NUDT8: variants seen among roughly 807,000 people sequenced by gnomAD.
NUDT8 encodes nudix hydrolase 8, also known as mitochondrial coenzyme A diphosphatase NUDT8.
In NUDT8, 14 loss-of-function variants were observed where a neutral mutation model predicts 12.5. That is an observed-to-expected ratio of 1.12 (90% CI 0.74 to 1.75). The LOEUF is 1.75. Among genes scored for constraint, NUDT8 ranks in the 40% most tolerant of loss-of-function variants. The pLI is 0.00. For missense variants in NUDT8, 337 were observed against 318.5 expected (o/e 1.06, Z -0.44); for synonymous variants, 163 against 156.2 (o/e 1.04, Z -0.33).
At chr11:67,628,820 T>A (rs982748129) in intron 2 of NUDT8, 99 bp downstream of exon 2, 8 of 1,444,870 alleles carry the variant, frequency 5.5e-6, no homozygotes, top group Middle Eastern at 3.9e-4. Flanking sequence ...TTTGTGCCCG[T>A]GGGGGTCCAT....
At position 67,629,717 on chromosome 11, in the gene NUDT8, C is replaced by T. The variant is rs765565671; in HGVS notation, c.194+1G>A. On this transcript the variant is annotated splice_donor_variant, in intron 1 of 3. Coordinates refer to ENST00000376693, the MANE Select transcript of NUDT8 (RefSeq NM_001243750.2). LOFTEE classifies it high-confidence loss of function. ...GGGCGAGGAGTTCCCGGCCGCTGTA[C>T]CTGACGTCGCCCTTGTGCCTCCCGG... The T allele has an allele frequency of 4.0e-6, 6 of 1,515,294 alleles. No homozygotes were observed. In the Admixed American group the frequency reaches 1.2e-4, roughly 30 times the overall value. 93.9% of individuals were successfully genotyped at this position (1,515,294 alleles called of 1,614,324 possible). A position where few individuals can be genotyped will look rare whatever the true frequency, so the allele number is the denominator to read the frequency against.
Position 67,629,833 on chromosome 11 carries a change from C to T in NUDT8, c.79G>A (p.Ala27Thr). Reference sequence around the variant, plus strand: ...AGCACCGCGGCCGACGCGGGCCGCGCGCGGAGCCGGGCCGTGGCCCCTGCC... The same window carrying T: ...AGCACCGCGGCCGACGCGGGCCGCGTGCGGAGCCGGGCCGTGGCCCCTGCC... ...LLAGATARLRARPASAAVLVP... is the reference protein window; with the variant it reads ...LLAGATARLRTRPASAAVLVP... The change falls in exon 1 of 4, where the codon GCG (alanine) becomes ACG (threonine). Residue 27 changes from alanine (A) to threonine (T), a missense_variant. By Grantham distance (58) the Ala-to-Thr change is moderately conservative (BLOSUM62 0). Coordinates refer to ENST00000376693, the MANE Select transcript of NUDT8 (RefSeq NM_001243750.2). The T allele has an allele frequency of 7.3e-7, 1 of 1,362,684 alleles. No individual in the cohort carries two copies. The highest frequency in any genetic ancestry group is 1.8e-5 in the South Asian group (1 of 55,302). 84.4% of individuals were successfully genotyped at this position (1,362,684 alleles called of 1,614,324 possible).
chr11:67,629,677 G>T (rs759751713), intron 1 of NUDT8, 41 bp downstream of exon 1: 1 of 1,293,228 alleles, frequency 7.7e-7, no homozygotes, highest in Non-Finnish European at 1.0e-6. Context: ...CCGGGCTCCT[G>T]TAGCCTCCGG....
chr11:67,628,610 C>G (rs149427789), intron 2 of NUDT8, among the ~76,000 whole-genome samples: 367 of 152,330 alleles, frequency 2.4e-3, no homozygotes, highest in African/African-American at 8.2e-3. Flanking sequence ...CAATCTCCCA[C>G]TTGGCATTCA....
Position 67,628,961 on chromosome 11 carries a change from G to A in NUDT8, c.285C>T (p.Pro95=), listed in dbSNP as rs775579284. ...ETREELGLAV[P]EEHVWGLLRP... ...GCAGCAGGCCCCACACGTGCTCCTC[G>A]GGCACTGCCAGGCCCAGCTCCTCCC... Residue 95 remains proline (P), a synonymous_variant, in exon 2 of 4, where the codon CCC becomes CCT. Transcript: ENST00000376693. 5.6e-6 allele frequency: 9 copies of A among 1,612,678 alleles called. No individual in the cohort carries two copies. The highest frequency in any genetic ancestry group is 1.7e-5 in the Admixed American group (1 of 60,014).
rs371524198 is a variant in NUDT8 at position 67,628,013 on chromosome 11, C to A, written c.644G>T (p.Arg215Leu). ...LTCSGAEGLA[R>L]PKQPLASPCQ... is the part of the protein sequence containing the mutation. ...GGGTGAAGCCAGGGGCTGCTTAGGG[C>A]GGGCCAGACCCTCAGCCCCTGAGCA... The change falls in exon 4 of 4, where the codon CGC (arginine) becomes CTC (leucine). Residue 215 changes from arginine to leucine, a missense_variant. Arg to Leu is a moderately radical substitution (Grantham distance 102, BLOSUM62 -2). Coordinates refer to ENST00000376693, the MANE Select transcript of NUDT8 (RefSeq NM_001243750.2). The A allele has an allele frequency of 6.3e-7, 1 of 1,598,090 alleles. No individual in the cohort carries two copies. The highest frequency in any genetic ancestry group is 8.5e-7 in the Non-Finnish European group (1 of 1,179,672).
chr11:67,628,272 G>C (rs375034426), intron 3 of NUDT8, 21 bp from the exon 4 acceptor site: 24 of 1,613,484 alleles, frequency 1.5e-5, no homozygotes, highest in Non-Finnish European at 2.0e-5. Flanking sequence ...GAGGCAGAGA[G>C]GGTAGACAGA....
At position 67,629,824 on chromosome 11, in the gene NUDT8, C is replaced by T; in HGVS notation, c.88G>A (p.Ala30Thr). The T allele has an allele frequency of 7.2e-7, 1 of 1,387,752 alleles. No individual in the cohort carries two copies. The highest frequency in any genetic ancestry group is 9.3e-7 in the Non-Finnish European group (1 of 1,071,302). The allele number at this position is 1,387,752 out of a possible 1,614,324, so 86.0% of individuals were successfully genotyped here. A position where few individuals can be genotyped will look rare whatever the true frequency, so the allele number is the denominator to read the frequency against. ...AGCGGCACGAGCACCGCGGCCGACG[C>T]GGGCCGCGCGCGGAGCCGGGCCGTG... Reference protein sequence around the residue: ...GATARLRARPASAAVLVPLCS... With the variant: ...GATARLRARPTSAAVLVPLCS... Residue 30 changes from alanine to threonine, a missense_variant, in exon 1 of 4, where the codon GCG becomes ACG. Transcript: ENST00000376693.
intron 1 of NUDT8, chr11:67,629,387 C>T (rs536892257): frequency 1.0e-5 from 4 of 394,734 alleles, no homozygotes; most frequent in African/African-American, 8.3e-5. Context: ...CGGGCGGGGC[C>T]CGAACCTCTC....
intron 2 of NUDT8, 138 bp downstream of exon 2, chr11:67,628,781 C>G (rs1485052996): frequency 1.8e-5 from 20 of 1,119,882 alleles, no homozygotes; most frequent in Admixed American, 2.3e-5. Flanking sequence ...GTGCATGTGA[C>G]CAGGCAGGTT....
chr11:67,627,953 C>T lies in NUDT8; in HGVS notation c.704G>A (p.Gly235Asp). Residue 235 changes from glycine to aspartate, a missense_variant, in exon 4 of 4, where the codon GGT becomes GAT. Transcript: ENST00000376693. ...QASSTPGLNK[G>D]L ...GCAAGAGCTCTAGAGCTGTCAAAGA[C>T]CTTTATTCAGTCCTGGAGTGGAGCT... 1 of 1,582,038 alleles carries T rather than the reference C, an allele frequency of 6.3e-7. No homozygotes were observed. The highest frequency in any genetic ancestry group is 1.1e-5 in the South Asian group (1 of 89,188).
Position 67,629,866 on chromosome 11 carries a change from G to T in NUDT8, c.46C>A (p.Arg16=), listed in dbSNP as rs1242339999. The T allele has an allele frequency of 8.0e-6, 10 of 1,254,702 alleles. No individual in the cohort carries two copies. The African/African-American group carries it at 1.6e-4, about 20-fold the overall frequency. The allele number at this position is 1,254,702 out of a possible 1,614,324, so 77.7% of individuals were successfully genotyped here. The change falls in exon 1 of 4, where the codon CGG becomes AGG. Residue 16 remains arginine (R), a synonymous_variant. Coordinates refer to ENST00000376693, the MANE Select transcript of NUDT8 (RefSeq NM_001243750.2). ...CGGGCCGTGGCCCCTGCCAGCAGCC[G>T]GCGGCAGCGCAGCTCGCCCTCGGCC... ...LSAEGELRCR[R]LLAGATARLR...
At position 67,628,918 on chromosome 11, in the gene NUDT8, C is replaced by A. The variant is rs780338892; in HGVS notation, c.327+1G>T. ...GGGGTGGCCTCAGCCAAGTGGCTTA[C>A]CGGATCATACACAGGCCGCAGCAGG... is the stretch of plus-strand genomic sequence containing the variant. On this transcript the variant is annotated splice_donor_variant, in intron 2 of 3. Transcript: ENST00000376693. LOFTEE classifies it high-confidence loss of function. 6.2e-7 allele frequency: 1 copy of A among 1,604,208 alleles called. No homozygotes were observed. The highest frequency in any genetic ancestry group is 1.3e-5 in the African/African-American group (1 of 74,744).
rs746053230 is a variant in NUDT8 at position 67,629,781 on chromosome 11, A to T, written c.131T>A (p.Val44Asp). Residue 44 changes from valine (V) to aspartate (D), a missense_variant, in exon 1 of 4, where the codon GTC becomes GAC. Transcript: ENST00000376693. ...VLVPLCSVRG[V>D]PALLYTLRSS... ...CCGCAGCGTGTACAGCAGCGCCGGG[A>T]CCCCACGCACTGAGCAGAGCGGCAC... The T allele has an allele frequency of 2.0e-6, 3 of 1,527,072 alleles. No individual in the cohort carries two copies. In the South Asian group the frequency reaches 3.6e-5, roughly 18 times the overall value. The allele number at this position is 1,527,072 out of a possible 1,614,324, so 94.6% of individuals were successfully genotyped here.
chr11:67,629,420 C>G, intron 1 of NUDT8: 1 of 384,312 alleles, frequency 2.6e-6, no homozygotes, highest in Non-Finnish European at 4.7e-6. Flanking sequence ...CAGGGGGCGG[C>G]GTCCGCCCTC....
In NUDT8 at chr11:67,629,709, C is replaced by T; in HGVS notation, c.194+9G>A. 1 of 1,488,370 alleles carries T rather than the reference C, an allele frequency of 6.7e-7. No individual in the cohort carries two copies. The highest frequency in any genetic ancestry group is 9.0e-7 in the Non-Finnish European group (1 of 1,116,966). 92.2% of individuals were successfully genotyped at this position (1,488,370 alleles called of 1,614,324 possible). On this transcript the variant is annotated intron_variant, in intron 1 of 3. Coordinates refer to ENST00000376693, the MANE Select transcript of NUDT8 (RefSeq NM_001243750.2). ...CCGGCAAAGGGCGAGGAGTTCCCGG[C>T]CGCTGTACCTGACGTCGCCCTTGTG...
At chr11:67,629,250 C>T (rs955846269) in intron 1 of NUDT8, 199 bp from the exon 2 acceptor site, 1 of 572,612 alleles carries the variant, frequency 1.7e-6, no homozygotes, top group African/African-American at 1.9e-5. Context: ...GAAGAGAGGC[C>T]CGGGACAGCG....
In NUDT8 at chr11:67,629,780, G is replaced by C. The variant is rs17851655; in HGVS notation, c.132C>G (p.Val44=). The C allele has an allele frequency of 0.11, 169,952 of 1,532,602 alleles. 10,565 individuals are homozygous for C. Among genetic ancestry groups the C allele is most frequent in the African/African-American group, 0.24 (16,940 of 70,012 alleles). The allele number at this position is 1,532,602 out of a possible 1,614,324, so 94.9% of individuals were successfully genotyped here. ...ACCGCAGCGTGTACAGCAGCGCCGGGACCCCACGCACTGAGCAGAGCGGCA... is the reference window on the plus strand; with the variant it reads ...ACCGCAGCGTGTACAGCAGCGCCGGCACCCCACGCACTGAGCAGAGCGGCA... ...VLVPLCSVRG[V]PALLYTLRSS... The change falls in exon 1 of 4, where the codon GTC becomes GTG. Residue 44 remains valine (V), a synonymous_variant. Transcript: ENST00000376693.
intron 1 of NUDT8, 91 bp from the exon 2 acceptor site, chr11:67,629,142 G>A (rs2134095053): frequency 1.5e-6 from 2 of 1,363,622 alleles, no homozygotes; most frequent in Non-Finnish European, 2.0e-6. Context: ...CTGGCCCACC[G>A]AAGTGTCGCC....
Sources: allele counts gnomAD v4.1 joint callset (sites outside exome capture counted in the v4.1 genomes callset), GRCh38; gene constraint gnomAD v4.1.1; transcripts MANE v1.5; gene names NCBI Gene and HGNC (gene_info 2026-07-23, HGNC 2026-07-21).